Variants in ZBTB8OS observed in about 807,000 individuals in gnomAD.
ZBTB8OS encodes tRNA-splicing ligase-activating factor archease.
In ZBTB8OS, 16 loss-of-function variants were observed where a neutral mutation model predicts 29.3. The ratio of observed to expected loss-of-function variants is 0.55; its 90% CI spans 0.37 to 0.83. ZBTB8OS has a LOEUF of 0.83. Ranked by LOEUF, ZBTB8OS falls within the 40% of genes least tolerant of loss-of-function variation. The pLI, the probability that ZBTB8OS is intolerant of heterozygous loss-of-function variation, is 0.00. For synonymous variants in ZBTB8OS, 70 were observed against 64.6 expected, an observed-to-expected ratio of 1.08 and a Z score of -0.40; for missense variants, 160 against 196.9, an observed-to-expected ratio of 0.81 and a Z score of 1.12.
At chr1:32,650,622 A>C (rs1647401308), upstream of ZBTB8OS, 1 of 1,607,276 alleles carries the variant, frequency 6.2e-7, no homozygotes, top group Non-Finnish European at 8.5e-7. Flanking sequence ...CCCTTGGCGC[A>C]CACCCTTAAA....
At position 32,650,475 on chromosome 1, in the gene ZBTB8OS, C is replaced by T. The variant is rs754929574; in HGVS notation, c.55G>A (p.Ala19Thr). ...RDYNLTEEQK[A>T]IKAKYPPVNR... is the part of the protein sequence containing the mutation. ...ACTGGCGGATACTTGGCCTTGATCG[C>T]CTTCTGTTCTTCAGTCAAATTGTAA... Residue 19 changes from alanine to threonine, a missense_variant, in exon 1 of 7, where the codon GCG (alanine) becomes ACG (threonine). Physicochemically the swap from Ala to Thr is moderately conservative, Grantham distance 58. Transcript: ENST00000468695. 6.8e-6 allele frequency: 11 copies of T among 1,614,184 alleles called. No homozygotes were observed. The highest frequency in any genetic ancestry group is 9.3e-6 in the Non-Finnish European group (11 of 1,180,010).
intron 1 of ZBTB8OS, among the ~76,000 whole-genome samples, chr1:32,647,436 CAAAA>C (rs71006349): frequency 3.3e-5 from 4 of 121,874 alleles, no homozygotes; most frequent in Non-Finnish European, 3.5e-5. Flanking sequence ...GACTCTGTCT[CAAAA>C]AAAAAAAAAA....
intron 1 of ZBTB8OS, among the ~76,000 whole-genome samples, chr1:32,642,225 C>T (rs999023379): frequency 6.6e-5 from 10 of 152,094 alleles, no homozygotes; most frequent in East Asian, 3.9e-4. Flanking sequence ...TGGCCAGGGC[C>T]GGGCGCGGTG....
chr1:32,646,018 T>G lies in ZBTB8OS; in HGVS notation c.97+4415A>C, dbSNP rs551132470. On this transcript the variant is annotated intron_variant, in intron 1 of 6. Transcript: ENST00000468695. ...GCACTCTTCTATAAGTACATCATACTTCAATAAAAGATGTATTTTGGCTGG... is the reference window on the plus strand; with the variant it reads ...GCACTCTTCTATAAGTACATCATACGTCAATAAAAGATGTATTTTGGCTGG... Among the ~76,000 whole-genome samples, 28 of 152,248 alleles carry G rather than the reference T, an allele frequency of 1.8e-4. No individual in the cohort carries two copies. The East Asian group carries it at 2.9e-3, about 16-fold the overall frequency.
At chr1:32,645,773 G>C (rs1349043303) in intron 1 of ZBTB8OS, among the ~76,000 whole-genome samples, 1 of 152,120 alleles carries the variant, frequency 6.6e-6, no homozygotes, top group East Asian at 1.9e-4. Flanking sequence ...TGGGACTACA[G>C]GCTGGGGCCA....
chr1:32,646,758 C>T (rs945875099), intron 1 of ZBTB8OS, among the ~76,000 whole-genome samples: 2 of 151,000 alleles, frequency 1.3e-5, no homozygotes, highest in South Asian at 2.1e-4. Flanking sequence ...AAGGGTTGGC[C>T]GGGAGTGGTG....
chr1:32,626,416 C>T (rs1645137242), intron 6 of ZBTB8OS, among the ~76,000 whole-genome samples: 1 of 152,060 alleles, frequency 6.6e-6, no homozygotes, highest in South Asian at 2.1e-4. Context: ...AGAATGTATC[C>T]CAGTAGTTAA....
At chr1:32,646,188 G>A (rs112855740) in intron 1 of ZBTB8OS, among the ~76,000 whole-genome samples, 10 of 151,848 alleles carry the variant, frequency 6.6e-5, no homozygotes, top group Admixed American at 5.9e-4. Context: ...GTATGATGGT[G>A]CACGCCTGTA....
At position 32,621,966 on chromosome 1, in the gene ZBTB8OS, GAAA is replaced by G. The variant is rs78907409; in HGVS notation, c.418-21_418-19del. On this transcript the variant is annotated intron_variant, in intron 6 of 6. Coordinates refer to ENST00000468695, the MANE Select transcript of ZBTB8OS (RefSeq NM_178547.5). ...TCTGTTCCCTAAAGTTGGGGTTAGA[GAAA>G]AAAAAAAAAAAAAGGAAAATAGGAT... 3,386 of 907,442 alleles carry G rather than the reference GAAA, an allele frequency of 3.7e-3. No homozygotes were observed. Among genetic ancestry groups the G allele is most frequent in the South Asian group, 4.2e-3 (220 of 52,168 alleles). The allele number at this position is 907,442 out of a possible 1,614,324, so 56.2% of individuals were successfully genotyped here.
intron 1 of ZBTB8OS, among the ~76,000 whole-genome samples, chr1:32,649,304 G>T (rs1294526564): frequency 6.6e-6 from 1 of 151,806 alleles, no homozygotes; most frequent in African/African-American, 2.4e-5. Context: ...TGAGAGAAGG[G>T]GATATGCTAG....
At chr1:32,650,759 G>A (rs1209317909), upstream of ZBTB8OS, 1 of 685,342 alleles carries the variant, frequency 1.5e-6, no homozygotes, top group East Asian at 2.9e-5. Flanking sequence ...TCTTTCCAAA[G>A]ACTAAGGAAA....
Position 32,650,455 on chromosome 1 carries a change from C to G in ZBTB8OS, c.75G>C (p.Pro25=). Residue 25 remains proline (P), a synonymous_variant, in exon 1 of 7, where the codon CCG becomes CCC. Transcript: ENST00000468695. ...EEQKAIKAKY[P]PVNRKYEYLD... is the part of the protein sequence containing the mutation. ...CACACTCGTACTTCCTATTGACTGG[C>G]GGATACTTGGCCTTGATCGCCTTCT... The G allele has an allele frequency of 1.2e-6, 2 of 1,614,124 alleles. No homozygotes were observed. The highest frequency in any genetic ancestry group is 1.7e-6 in the Non-Finnish European group (2 of 1,180,006).
intron 1 of ZBTB8OS, among the ~76,000 whole-genome samples, chr1:32,637,654 G>A (rs1365024228): frequency 6.6e-6 from 1 of 152,120 alleles, no homozygotes; most frequent in Non-Finnish European, 1.5e-5. Flanking sequence ...GAAAACACAA[G>A]TGTTTTTCTC....
intron 5 of ZBTB8OS, among the ~76,000 whole-genome samples, chr1:32,629,600 T>C (rs1645382345): frequency 6.6e-6 from 1 of 152,158 alleles, no homozygotes; most frequent in South Asian, 2.1e-4. Flanking sequence ...TAGAAGGCCC[T>C]AGAAAAGTAA....
chr1:32,629,817 A>G (rs1413565760), intron 5 of ZBTB8OS, among the ~76,000 whole-genome samples: 4 of 148,510 alleles, frequency 2.7e-5, no homozygotes, highest in African/African-American at 1.0e-4. Flanking sequence ...CAGTGGCACA[A>G]TCTTGGCTCA....
chr1:32,626,706 G>A (rs1645157875), intron 6 of ZBTB8OS, among the ~76,000 whole-genome samples: 1 of 151,958 alleles, frequency 6.6e-6, no homozygotes, highest in Non-Finnish European at 1.5e-5. Flanking sequence ...GTGCCACCAC[G>A]CCCAGCTAAT....
intron 5 of ZBTB8OS, among the ~76,000 whole-genome samples, chr1:32,631,003 T>C (rs915632505): frequency 6.6e-6 from 1 of 151,018 alleles, no homozygotes; most frequent in African/African-American, 2.4e-5. Flanking sequence ...CGAGACTCTG[T>C]CTCAAAAATA....
chr1:32,640,883 T>C (rs1466251560), intron 1 of ZBTB8OS, among the ~76,000 whole-genome samples: 2 of 152,022 alleles, frequency 1.3e-5, no homozygotes, highest in African/African-American at 4.8e-5. Flanking sequence ...CTGTTCACTT[T>C]CAAGGGTGTG....
At chr1:32,641,230 A>G (rs533759468) in intron 1 of ZBTB8OS, among the ~76,000 whole-genome samples, 1 of 150,250 alleles carries the variant, frequency 6.7e-6, no homozygotes, top group Admixed American at 6.7e-5. Flanking sequence ...TCCATGAAAA[A>G]CGGACCTAGT....
Sources: gnomAD v4.1 joint callset for allele counts (sites outside exome capture counted in the v4.1 genomes callset) on GRCh38, gnomAD v4.1.1 for gene constraint, MANE v1.5 for transcripts, NCBI Gene and HGNC (gene_info 2026-07-23, HGNC 2026-07-21) for gene names.